The following P3H3 variants were observed in gnomAD, a reference collection of about 807,000 sequenced individuals.
P3H3 encodes the protein gene rich cluster, B.
Under a neutral mutation model 78.1 loss-of-function variants are expected in P3H3, and 64 were observed. The ratio of observed to expected loss-of-function variants is 0.82; its 90% CI spans 0.67 to 1.01. The LOEUF is 1.01. Ranked by LOEUF, P3H3 falls within the 50% of genes least tolerant of loss-of-function variation. The pLI is 0.00. For synonymous variants in P3H3, 425 were observed against 416.7 expected (o/e 1.02, Z -0.24); for missense variants, 975 against 982.2 (o/e 0.99, Z 0.10).
chr12:6,830,512 G>T lies in P3H3; in HGVS notation c.811G>T (p.Asp271Tyr). 1 of 1,579,902 alleles carries T rather than the reference G, an allele frequency of 6.3e-7. No homozygotes were observed. Among genetic ancestry groups the T allele is most frequent in the Non-Finnish European group, 8.6e-7 (1 of 1,163,528 alleles). ...EEQQGAEEEEDGAASQGGLYE... is the reference protein window; with the variant it reads ...EEQQGAEEEEYGAASQGGLYE... Reference sequence around the variant, plus strand: ...GCAGCAGGGGGCTGAAGAAGAGGAGGATGGGGCTGCGAGCCAGGGGGGCCT... The same window carrying T: ...GCAGCAGGGGGCTGAAGAAGAGGAGTATGGGGCTGCGAGCCAGGGGGGCCT... The change falls in exon 3 of 15, where the codon GAT (aspartate) becomes TAT (tyrosine). Residue 271 changes from aspartate (D) to tyrosine (Y), a missense_variant. Physicochemically the swap from Asp to Tyr is radical, Grantham distance 160. Transcript: ENST00000290510.
rs1464959161 is a variant in P3H3, at chr12:6,829,759, C to T, written c.499-100C>T. 1.5e-6 allele frequency: 2 copies of T among 1,337,212 alleles called. No homozygotes were observed. The highest frequency in any genetic ancestry group is 2.1e-6 in the Non-Finnish European group (2 of 946,722). The allele number at this position is 1,337,212 out of a possible 1,614,324, so 82.8% of individuals were successfully genotyped here. A position where few individuals can be genotyped will look rare whatever the true frequency, so the allele number is the denominator to read the frequency against. ...AGTCTTCCATGAGGCTCTGGGGCAC[C>T]CAGAGTGTGTGTCTGGGGTAGGGTG... On this transcript the variant is annotated intron_variant, in intron 1 of 14. Coordinates refer to ENST00000290510, the MANE Select transcript of P3H3 (RefSeq NM_014262.5). The surrounding 1 kb of genome is among the most constrained non-coding windows in gnomAD (Gnocchi z 5.1).
Position 6,828,881 on chromosome 12 carries a change from C to A in P3H3, c.441C>A (p.Leu147=). 8.0e-7 allele frequency: 1 copy of A among 1,247,502 alleles called. No individual in the cohort carries two copies. The highest frequency in any genetic ancestry group is 1.0e-6 in the Non-Finnish European group (1 of 995,880). 77.3% of individuals were successfully genotyped at this position (1,247,502 alleles called of 1,614,324 possible). A position where few individuals can be genotyped will look rare whatever the true frequency, so the allele number is the denominator to read the frequency against. Residue 147 remains leucine, a synonymous_variant, in exon 1 of 15, where the codon CTC becomes CTA. Coordinates refer to ENST00000290510, the MANE Select transcript of P3H3 (RefSeq NM_014262.5). ...CGCGGCTTCGCGTGGGGAGCGCGCT[C>A]CGGGACGCCTTCCGCCGTCGGGAGC... is the stretch of plus-strand genomic sequence containing the variant. The part of the protein sequence containing the change: ...GAARLRVGSA[L]RDAFRRREPY...
chr12:6,839,348 G>C lies in P3H3; in HGVS notation c.2098G>C (p.Glu700Gln). The C allele has an allele frequency of 2.6e-6, 4 of 1,553,804 alleles. No individual in the cohort carries two copies. Among genetic ancestry groups the C allele is most frequent in the Non-Finnish European group, 3.5e-6 (4 of 1,148,144 alleles). The part of the protein sequence containing the change: ...LLQESQEEEE[E>Q]EEEEMPSKDP... Reference sequence around the variant, plus strand: ...GCAGGAGTCACAGGAGGAGGAGGAAGAGGAAGAGGAAGAAATGCCCAGCAA... The same window carrying C: ...GCAGGAGTCACAGGAGGAGGAGGAACAGGAAGAGGAAGAAATGCCCAGCAA... The change falls in exon 15 of 15, where the codon GAG becomes CAG. Residue 700 changes from glutamate (E) to glutamine (Q), a missense_variant. Coordinates refer to ENST00000290510, the MANE Select transcript of P3H3 (RefSeq NM_014262.5).
chr12:6,839,174 C>T (rs782710743), intron 14 of P3H3, 34 bp downstream of exon 14: 2 of 1,580,822 alleles, frequency 1.3e-6, no homozygotes, highest in South Asian at 2.3e-5. Context: ...TGTGGTTCTC[C>T]TGGTGCGTGA....
chr12:6,831,191 C>T lies in P3H3; in HGVS notation c.986-25C>T. 1 of 1,613,696 alleles carries T rather than the reference C, an allele frequency of 6.2e-7. No individual in the cohort carries two copies. The highest frequency in any genetic ancestry group is 2.2e-5 in the East Asian group (1 of 44,858). ...TGCTCTAAGTATTCATCCCCCAACCCCTGACCTTGTCGCTCCCTCTCCAGT... is the reference window on the plus strand; with the variant it reads ...TGCTCTAAGTATTCATCCCCCAACCTCTGACCTTGTCGCTCCCTCTCCAGT... On this transcript the variant is annotated intron_variant, in intron 4 of 14. Coordinates refer to ENST00000290510, the MANE Select transcript of P3H3 (RefSeq NM_014262.5). The surrounding 1 kb of genome is among the most constrained non-coding windows in gnomAD (Gnocchi z 4.6).
In P3H3 at chr12:6,829,659, C is replaced by G; in HGVS notation, c.499-200C>G. On this transcript the variant is annotated intron_variant, in intron 1 of 14. Coordinates refer to ENST00000290510, the MANE Select transcript of P3H3 (RefSeq NM_014262.5). The surrounding 1 kb of genome is among the most constrained non-coding windows in gnomAD (Gnocchi z 5.1). ...TCTTTAGATCCCCTTTCCCTCGGTG[C>G]CAGCCTTCTGAGAGTCCCAACGTTC... 1 of 606,476 alleles carries G rather than the reference C, an allele frequency of 1.6e-6. No homozygotes were observed. The allele number at this position is 606,476 out of a possible 1,614,324, so 37.6% of individuals were successfully genotyped here.
At chr12:6,836,616 C>T (rs73258782) in intron 9 of P3H3, among the ~76,000 whole-genome samples, 3,693 of 152,252 alleles carry the variant, frequency 0.024, 156 homozygotes, top group African/African-American at 0.083. Flanking sequence ...CAGAGGGACT[C>T]CTCTATTCTT....
chr12:6,834,938 CAA>C (rs797042067), intron 9 of P3H3: 2,334 of 86,378 alleles, frequency 0.027, 69 homozygotes, highest in African/African-American at 0.077. Flanking sequence ...AACTCCATCT[CAA>C]AAAAAAAAAA....
rs1316992630 is a variant in P3H3 at position 6,828,743 on chromosome 12, C to T, written c.303C>T (p.Ser101=). The T allele has an allele frequency of 1.6e-6, 2 of 1,244,912 alleles. No individual in the cohort carries two copies. The highest frequency in any genetic ancestry group is 2.0e-6 in the Non-Finnish European group (2 of 994,966). 77.1% of individuals were successfully genotyped at this position (1,244,912 alleles called of 1,614,324 possible). A position where few individuals can be genotyped will look rare whatever the true frequency, so the allele number is the denominator to read the frequency against. Residue 101 remains serine, a synonymous_variant, in exon 1 of 15, where the codon TCC becomes TCT. Transcript: ENST00000290510. Reference sequence around the variant, plus strand: ...TTCTCGGGGCCCCGGAGCCCGACTCCGGGCCGGGACCCACGCAGGGGTCCT... The same window carrying T: ...TTCTCGGGGCCCCGGAGCCCGACTCTGGGCCGGGACCCACGCAGGGGTCCT... ...AVLLGAPEPD[S]GPGPTQGSWE...
At position 6,831,554 on chromosome 12, in the gene P3H3, C is replaced by T. The variant is rs1392674622; in HGVS notation, c.1122+202C>T. 2.6e-5 allele frequency among the ~76,000 whole-genome samples: 4 copies of T among 152,122 alleles called. No individual in the cohort carries two copies. The highest frequency in any genetic ancestry group is 2.1e-4 in the South Asian group (1 of 4,828). On this transcript the variant is annotated intron_variant, in intron 5 of 14. Coordinates refer to ENST00000290510, the MANE Select transcript of P3H3 (RefSeq NM_014262.5). The surrounding 1 kb of genome is among the most constrained non-coding windows in gnomAD (Gnocchi z 4.6). The stretch of plus-strand genomic sequence containing the variant: ...GAGTTCCGATTCCAGCCCTCAGCCC[C>T]GTCTCTCTTGCCTTTACTTCACTCC...
In P3H3 at chr12:6,828,562, A is replaced by G; in HGVS notation, c.122A>G (p.Tyr41Cys). 1.6e-6 allele frequency: 2 copies of G among 1,236,174 alleles called. No individual in the cohort carries two copies. Among genetic ancestry groups the G allele is most frequent in the Non-Finnish European group, 2.0e-6 (2 of 989,884 alleles). The allele number at this position is 1,236,174 out of a possible 1,614,324, so 76.6% of individuals were successfully genotyped here. ...CCCCCGCAGGCCCCCGACTTGCTCT[A>G]CGCTGACGGGCTGCGCGCCTACGCG... ...GAPPQAPDLL[Y>C]ADGLRAYAAG... Residue 41 changes from tyrosine to cysteine, a missense_variant, in exon 1 of 15, where the codon TAC (tyrosine) becomes TGC (cysteine). Transcript: ENST00000290510.
At chr12:6,835,604 A>T (rs7358626) in intron 9 of P3H3, among the ~76,000 whole-genome samples, 2,363 of 152,036 alleles carry the variant, frequency 0.016, 61 homozygotes, top group African/African-American at 0.052. Context: ...ATTTTTTTAA[A>T]TAATTAATTA....
At position 6,838,912 on chromosome 12, in the gene P3H3, C is replaced by T. The variant is rs782337237; in HGVS notation, c.1906-88C>T. On this transcript the variant is annotated intron_variant, in intron 13 of 14. Transcript: ENST00000290510. ...AGCGAGAGAGCTGATCCTCTCTGTGCCCCTGTCCCCATCCTGCTCTAGGGA... is the reference window on the plus strand; with the variant it reads ...AGCGAGAGAGCTGATCCTCTCTGTGTCCCTGTCCCCATCCTGCTCTAGGGA... 1.8e-5 allele frequency: 21 copies of T among 1,189,816 alleles called. No individual in the cohort carries two copies. The East Asian group carries it at 4.9e-4, about 28-fold the overall frequency. 73.7% of individuals were successfully genotyped at this position (1,189,816 alleles called of 1,614,324 possible).
At position 6,837,541 on chromosome 12, in the gene P3H3, T is replaced by C; in HGVS notation, c.1679T>C (p.Phe560Ser). Residue 560 changes from phenylalanine (F) to serine (S), a missense_variant, in exon 11 of 15, where the codon TTC becomes TCC. Phe to Ser is a radical substitution (Grantham distance 155, BLOSUM62 -2). Transcript: ENST00000290510. ...FSPERPLHLS[F>S]THLVCRSAIE... ...CCGGAACGGCCCCTGCATCTGTCCT[T>C]CACCCACCTGGTGTGCCGCAGCGCC... is the stretch of plus-strand genomic sequence containing the variant. The C allele has an allele frequency of 5.6e-6, 9 of 1,612,642 alleles. No individual in the cohort carries two copies. The highest frequency in any genetic ancestry group is 7.6e-6 in the Non-Finnish European group (9 of 1,179,412).
In P3H3 at chr12:6,831,441, C is replaced by A. The variant is rs1417286192; in HGVS notation, c.1122+89C>A. 5.8e-6 allele frequency: 9 copies of A among 1,543,862 alleles called. No homozygotes were observed. The African/African-American group carries it at 6.8e-5, about 12-fold the overall frequency. On this transcript the variant is annotated intron_variant, in intron 5 of 14. Transcript: ENST00000290510. The surrounding 1 kb of genome is among the most constrained non-coding windows in gnomAD (Gnocchi z 4.6). ...AACCTGGACCCCCACCCCCCGCTGG[C>A]CTCTTACCCGAGCACTCTAGTCACC...
At chr12:6,832,885 G>A (rs372740912) in intron 6 of P3H3, among the ~76,000 whole-genome samples, 9,426 of 18,290 alleles carry the variant, frequency 0.52, 440 homozygotes, top group African/African-American at 0.53. Flanking sequence ...TTACAGGCGT[G>A]AGCCACCGGA....
At chr12:6,834,159 G>C in intron 9 of P3H3, 110 bp downstream of exon 9, 2 of 1,503,858 alleles carry the variant, frequency 1.3e-6, no homozygotes, top group Non-Finnish European at 1.8e-6. Context: ...TTATCCAACC[G>C]GGACTGTGCT....
chr12:6,828,848 G>C lies in P3H3; in HGVS notation c.408G>C (p.Gly136=). 1 of 1,245,712 alleles carries C rather than the reference G, an allele frequency of 8.0e-7. No individual in the cohort carries two copies. Among genetic ancestry groups the C allele is most frequent in the Non-Finnish European group, 1.0e-6 (1 of 994,910 alleles). The allele number at this position is 1,245,712 out of a possible 1,614,324, so 77.2% of individuals were successfully genotyped here. A position where few individuals can be genotyped will look rare whatever the true frequency, so the allele number is the denominator to read the frequency against. Residue 136 remains glycine, a synonymous_variant, in exon 1 of 15, where the codon GGG becomes GGC. Transcript: ENST00000290510. Reference sequence around the variant, plus strand: ...GCGCAGCACGGAGGCTGGGCCCCGGGGGCGCGGCGCGGCTTCGCGTGGGGA... The same window carrying C: ...GCGCAGCACGGAGGCTGGGCCCCGGCGGCGCGGCGCGGCTTCGCGTGGGGA... The part of the protein sequence containing the change: ...TQCAARRLGP[G]GAARLRVGSA...
chr12:6,836,793 G>A, intron 9 of P3H3, among the ~76,000 whole-genome samples, 192 bp from the exon 10 acceptor site: 1 of 152,224 alleles, frequency 6.6e-6, no homozygotes, highest in East Asian at 1.9e-4. Flanking sequence ...GTACCAGAGA[G>A]GGACAATCGG....
Sources: allele counts gnomAD v4.1 joint callset (sites outside exome capture counted in the v4.1 genomes callset), GRCh38; gene constraint gnomAD v4.1.1; non-coding constraint Gnocchi (gnomAD v3.1); transcripts MANE v1.5; gene names NCBI Gene and HGNC (gene_info 2026-07-23, HGNC 2026-07-21).